The following DOCK3 variants were observed in gnomAD, a reference collection of about 807,000 sequenced individuals.
DOCK3 encodes the protein dedicator of cytokinesis 3.
In DOCK3, 60 loss-of-function variants were observed where a neutral mutation model predicts 265.6. The ratio of observed to expected loss-of-function variants is 0.23; its 90% CI spans 0.18 to 0.28. The LOEUF is 0.28. Among genes scored for constraint, DOCK3 ranks in the 10% least tolerant of loss-of-function variants. The pLI, the probability that DOCK3 is intolerant of heterozygous loss-of-function variation, is 1.00. For synonymous variants in DOCK3, 881 were observed against 938.0 expected (o/e 0.94, Z 1.11); for missense variants, 1,981 against 2,594.3 (o/e 0.76, Z 5.14).
chr3:50,966,744 T>C (rs1329535452), intron 5 of DOCK3, among the ~76,000 whole-genome samples: 2 of 152,092 alleles, frequency 1.3e-5, no homozygotes, highest in African/African-American at 4.8e-5. Flanking sequence ...ATTATGCTGA[T>C]TGGGTGTCTG....
chr3:50,791,204 T>A (rs926633944), intron 2 of DOCK3, among the ~76,000 whole-genome samples: 2 of 151,986 alleles, frequency 1.3e-5, no homozygotes, highest in African/African-American at 4.8e-5. Flanking sequence ...CGAATGGTAT[T>A]GGCCTAGGTG....
At chr3:51,093,704 A>T (rs897756189) in intron 9 of DOCK3, among the ~76,000 whole-genome samples, 1 of 152,084 alleles carries the variant, frequency 6.6e-6, no homozygotes, top group African/African-American at 2.4e-5. Flanking sequence ...TTCTAATACT[A>T]TGTTGAATAG....
At chr3:51,080,961 A>G (rs548181422) in intron 7 of DOCK3, among the ~76,000 whole-genome samples, 7 of 151,126 alleles carry the variant, frequency 4.6e-5, no homozygotes, top group African/African-American at 1.7e-4. Context: ...TCTTTTGTGC[A>G]TATACATTCT....
At chr3:51,036,257 C>T (rs147208375) in intron 5 of DOCK3, among the ~76,000 whole-genome samples, 3 of 152,312 alleles carry the variant, frequency 2.0e-5, no homozygotes, top group African/African-American at 7.2e-5. Context: ...ACTCCTCCCT[C>T]TGGGGAGTGG....
At chr3:51,200,450 A>ATGAAAT (rs1553788894) in intron 12 of DOCK3, among the ~76,000 whole-genome samples, 33 of 45,692 alleles carry the variant, frequency 7.2e-4, no homozygotes, top group African/African-American at 9.4e-4. Flanking sequence ...GATGAAATGA[A>ATGAAAT]GCGAGAAGGG....
chr3:50,710,803 A>T (rs773586687), intron 1 of DOCK3, among the ~76,000 whole-genome samples: 2 of 152,254 alleles, frequency 1.3e-5, no homozygotes, highest in Non-Finnish European at 2.9e-5. Context: ...TGATATGGAC[A>T]GCATGGACTA....
At chr3:51,315,559 C>T (rs1022532460) in intron 32 of DOCK3, among the ~76,000 whole-genome samples, 9 of 151,986 alleles carry the variant, frequency 5.9e-5, no homozygotes, top group African/African-American at 9.7e-5. Context: ...AGGGGTTGGT[C>T]CAGGAGATAC....
intron 3 of DOCK3, among the ~76,000 whole-genome samples, chr3:50,855,997 C>G (rs777124214): frequency 6.6e-6 from 1 of 152,166 alleles, no homozygotes; most frequent in Non-Finnish European, 1.5e-5. Context: ...CCATCCATGC[C>G]CCTGCAAAGG....
intron 5 of DOCK3, among the ~76,000 whole-genome samples, chr3:50,998,806 G>A (rs2078370615): frequency 6.6e-6 from 1 of 152,006 alleles, no homozygotes; most frequent in African/African-American, 2.4e-5. Context: ...TTTTATCCAT[G>A]GAAAACTGTC....
At chr3:51,327,738 G>A (rs1475773750) in intron 32 of DOCK3, among the ~76,000 whole-genome samples, 1 of 145,354 alleles carries the variant, frequency 6.9e-6, no homozygotes, top group Non-Finnish European at 1.5e-5. Flanking sequence ...GGAATGCAGT[G>A]GCACAATCTC....
At chr3:50,950,968 C>T (rs1057141204) in intron 5 of DOCK3, among the ~76,000 whole-genome samples, 3 of 152,130 alleles carry the variant, frequency 2.0e-5, no homozygotes, top group African/African-American at 7.2e-5. Flanking sequence ...ATCTCTCTCT[C>T]TCTCTCTCCT....
At chr3:51,100,407 C>G (rs1030076776) in intron 9 of DOCK3, among the ~76,000 whole-genome samples, 4 of 152,068 alleles carry the variant, frequency 2.6e-5, no homozygotes, top group African/African-American at 9.7e-5. Context: ...CCTGAGGAAC[C>G]AAGAGATGGA....
In DOCK3 at chr3:51,186,321, T is replaced by G. The variant is rs117789892; in HGVS notation, c.1038-22453T>G. On this transcript the variant is annotated intron_variant, in intron 12 of 52. Coordinates refer to ENST00000266037, the MANE Select transcript of DOCK3 (RefSeq NM_004947.5). ...TGTGGAACATTGAACTTGAGAGAGA[T>G]AATTTAGGGTATCTGGTGGAGGAAA... 8.6e-4 allele frequency among the ~76,000 whole-genome samples: 131 copies of G among 152,260 alleles called. 2 individuals are homozygous for G. In the East Asian group the frequency reaches 0.024, roughly 27 times the overall value.
intron 12 of DOCK3, among the ~76,000 whole-genome samples, chr3:51,203,016 C>T (rs951625759): frequency 1.3e-5 from 2 of 152,176 alleles, no homozygotes; most frequent in African/African-American, 4.8e-5. Context: ...TGGGACCTAT[C>T]TCAAAATAAT....
intron 1 of DOCK3, among the ~76,000 whole-genome samples, chr3:50,729,751 C>T (rs1202779284): frequency 6.6e-6 from 1 of 151,776 alleles, no homozygotes; most frequent in Admixed American, 6.6e-5. Context: ...GAACTCCTGG[C>T]CTCAAGTGAT....
At chr3:50,971,874 T>C (rs1022577224) in intron 5 of DOCK3, among the ~76,000 whole-genome samples, 4 of 152,176 alleles carry the variant, frequency 2.6e-5, no homozygotes, top group African/African-American at 9.7e-5. Flanking sequence ...CAGCACTGAT[T>C]AGACTGGCAA....
At chr3:51,203,796 G>A (rs1164470347) in intron 12 of DOCK3, among the ~76,000 whole-genome samples, 4 of 152,132 alleles carry the variant, frequency 2.6e-5, no homozygotes, top group Non-Finnish European at 5.9e-5. Flanking sequence ...AAAACAGCAT[G>A]GTACTGGTAC....
At chr3:51,290,932 G>C (rs550231154) in intron 27 of DOCK3, among the ~76,000 whole-genome samples, 1 of 152,106 alleles carries the variant, frequency 6.6e-6, no homozygotes, top group Non-Finnish European at 1.5e-5. Context: ...ACAAAAATTA[G>C]CCAGGCGTGG....
chr3:51,220,709 GTATATATATA>G (rs3073874), intron 14 of DOCK3, among the ~76,000 whole-genome samples: 1 of 132,380 alleles, frequency 7.6e-6, no homozygotes, highest in East Asian at 2.3e-4. Context: ...GTGTGTGTGT[GTATATATATA>G]TATATATATA....
Sources: gnomAD v4.1 joint callset for allele counts (sites outside exome capture counted in the v4.1 genomes callset) on GRCh38, gnomAD v4.1.1 for gene constraint, MANE v1.5 for transcripts, NCBI Gene and HGNC (gene_info 2026-07-23, HGNC 2026-07-21) for gene names.